The following ACSM2B variants were observed in gnomAD, a reference collection of about 807,000 sequenced individuals.
ACSM2B encodes acyl-CoA synthetase medium chain family member 2B.
Under a neutral mutation model 78.6 loss-of-function variants are expected in ACSM2B, and 58 were observed. The ratio of observed to expected loss-of-function variants is 0.74; its 90% CI spans 0.60 to 0.92. The LOEUF (loss-of-function observed/expected upper bound fraction) is 0.92. Ranked by LOEUF, ACSM2B falls within the 40% of genes least tolerant of loss-of-function variation. The pLI is 0.00. For missense variants in ACSM2B, 688 were observed against 711.2 expected (o/e 0.97, Z 0.37); for synonymous variants, 257 against 256.8 (o/e 1.00, Z -0.01).
At chr16:20,572,055 AG>A (rs1167880014) in intron 1 of ACSM2B, among the ~76,000 whole-genome samples, 2 of 149,898 alleles carry the variant, frequency 1.3e-5, no homozygotes, top group Non-Finnish European at 3.0e-5. Context: ...TGGAGTACTT[AG>A]GCCATTTACA....
rs1164455962 is a variant in ACSM2B at position 20,546,249 on chromosome 16, C to T, written c.1179+145G>A. On this transcript the variant is annotated intron_variant, in intron 9 of 13. Transcript: ENST00000329697. ...TCCTTCCCTCACTCTCTCCTTCCCC[C>T]TAACCTCCCTCCGTCCCTTTTTTCT... The T allele has an allele frequency of 4.3e-6, 6 of 1,409,058 alleles. No individual in the cohort carries two copies. In the African/African-American group the frequency reaches 7.2e-5, roughly 17 times the overall value. 87.3% of individuals were successfully genotyped at this position (1,409,058 alleles called of 1,614,324 possible).
At chr16:20,557,070 C>T (rs899208967) in intron 3 of ACSM2B, among the ~76,000 whole-genome samples, 3 of 151,938 alleles carry the variant, frequency 2.0e-5, no homozygotes, top group African/African-American at 2.4e-5. Context: ...GAGGTGGAAA[C>T]GGCAGTTTGT....
At position 20,536,457 on chromosome 16, in the gene ACSM2B, T is replaced by C. The variant is rs1274728443; in HGVS notation, c.*801A>G. The C allele has an allele frequency of 6.6e-6, 1 of 152,102 alleles. No individual in the cohort carries two copies. Among genetic ancestry groups the C allele is most frequent in the African/African-American group, 2.4e-5 (1 of 41,420 alleles). The allele number at this position is 152,102 out of a possible 1,614,324, so 9.4% of individuals were successfully genotyped here. ...GGGTCAGTGCCTGGCACATGGCAAA[T>C]GCTTAATAAATGGTGGTTCCCCTCT... On this transcript the variant is annotated 3_prime_UTR_variant, in exon 14 of 14. Coordinates refer to ENST00000329697, the MANE Select transcript of ACSM2B (RefSeq NM_001105069.2).
chr16:20,545,253 T>A lies in ACSM2B; in HGVS notation c.1185A>T (p.Ile395=). The change falls in exon 10 of 14, where the codon ATA becomes ATT. Residue 395 remains isoleucine, a synonymous_variant. Transcript: ENST00000329697. ...GGGGCAGGACGTTGCCCTTATCATC[T>A]ATAACCTGGAGAAAGAAGCATATTG... ...TAASCYDVQV[I]DDKGNVLPPG... The A allele has an allele frequency of 1.9e-6, 3 of 1,613,146 alleles. No individual in the cohort carries two copies. The highest frequency in any genetic ancestry group is 2.5e-6 in the Non-Finnish European group (3 of 1,179,362).
intron 2 of ACSM2B, among the ~76,000 whole-genome samples, chr16:20,560,684 C>T (rs1012838241): frequency 6.6e-6 from 1 of 151,788 alleles, no homozygotes; most frequent in African/African-American, 2.4e-5. Flanking sequence ...TATAAAGATA[C>T]CTGAAAATGT....
rs1479866409 is a variant in ACSM2B at position 20,559,236 on chromosome 16, C to T, written c.388+1G>A. The stretch of plus-strand genomic sequence containing the variant: ...CTCTGTCCAGGTAGTCAGTTACCAA[C>T]CTGCTCGAATGCAGCCCAGGATCAC... On this transcript the variant is annotated splice_donor_variant, in intron 3 of 13. Transcript: ENST00000329697. LOFTEE classifies it high-confidence loss of function. 1.2e-6 allele frequency: 2 copies of T among 1,606,708 alleles called. No homozygotes were observed. The highest frequency in any genetic ancestry group is 1.7e-5 in the Admixed American group (1 of 59,542).
At chr16:20,547,167 TTGA>T in intron 8 of ACSM2B, 1 of 1,012,154 alleles carries the variant, frequency 9.9e-7, no homozygotes, top group Non-Finnish European at 1.2e-6. Context: ...GGCAAGTTGA[TTGA>T]CCCACCTCAG....
intron 1 of ACSM2B, among the ~76,000 whole-genome samples, chr16:20,565,811 C>G (rs1240671344): frequency 1.3e-5 from 2 of 152,002 alleles, no homozygotes; most frequent in Admixed American, 1.3e-4. Context: ...TTATTCCTCA[C>G]CTCCTTCCCG....
intron 9 of ACSM2B, among the ~76,000 whole-genome samples, chr16:20,545,942 T>A (rs1330885612): frequency 2.6e-5 from 4 of 152,202 alleles, no homozygotes; most frequent in African/African-American, 9.7e-5. Flanking sequence ...AACTGGGACA[T>A]CATCCCTTGG....
chr16:20,558,968 C>A (rs1238079093), intron 3 of ACSM2B, among the ~76,000 whole-genome samples: 1 of 152,162 alleles, frequency 6.6e-6, no homozygotes, highest in East Asian at 1.9e-4. Flanking sequence ...TAAATACTTA[C>A]ATGTGCAATT....
chr16:20,549,379 G>A (rs2015236178), intron 6 of ACSM2B, among the ~76,000 whole-genome samples: 1 of 152,024 alleles, frequency 6.6e-6, no homozygotes, highest in African/African-American at 2.4e-5. Flanking sequence ...TGCTGATGGG[G>A]ACTCTGCAGA....
intron 2 of ACSM2B, among the ~76,000 whole-genome samples, chr16:20,560,490 A>C (rs1210265919): frequency 6.6e-6 from 1 of 151,956 alleles, no homozygotes; most frequent in Non-Finnish European, 1.5e-5. Context: ...TCATCTTCCA[A>C]CATTATTGTA....
chr16:20,566,842 A>ATATAG (rs2015909100), intron 1 of ACSM2B, among the ~76,000 whole-genome samples: 1 of 119,902 alleles, frequency 8.3e-6, no homozygotes, highest in South Asian at 2.3e-4. Flanking sequence ...TATATATACT[A>ATATAG]TATATAGACA....
intron 2 of ACSM2B, among the ~76,000 whole-genome samples, chr16:20,562,349 A>G (rs186426285): frequency 5.3e-5 from 8 of 152,258 alleles, no homozygotes; most frequent in African/African-American, 1.7e-4. Flanking sequence ...TTTGAGAGTA[A>G]TGATGCAAAA....
rs9938995 is a variant in ACSM2B, at chr16:20,539,025, C to T, written c.1629+1629G>A. On this transcript the variant is annotated intron_variant, in intron 13 of 13. Transcript: ENST00000329697. The stretch of plus-strand genomic sequence containing the variant: ...CTTCCCAGGGCAGCCTACATCCATA[C>T]CTGATCCACCTGTGACCGTAAAGAC... 8.2e-3 allele frequency among the ~76,000 whole-genome samples: 1,249 copies of T among 152,218 alleles called. 21 individuals are homozygous for T. Among genetic ancestry groups the T allele is most frequent in the African/African-American group, 0.029 (1,218 of 41,544 alleles).
chr16:20,565,875 A>G (rs1287488750), intron 1 of ACSM2B, among the ~76,000 whole-genome samples: 2 of 151,838 alleles, frequency 1.3e-5, no homozygotes, highest in African/African-American at 2.4e-5. Context: ...ACTTTGCAAC[A>G]ATGTATAACT....
chr16:20,557,968 C>A (rs755636580), intron 3 of ACSM2B, among the ~76,000 whole-genome samples: 1 of 151,886 alleles, frequency 6.6e-6, no homozygotes, highest in Non-Finnish European at 1.5e-5. Context: ...AACTTTAAAA[C>A]AAAAATGATA....
chr16:20,555,221 T>C, intron 4 of ACSM2B, 48 bp downstream of exon 4: 1 of 1,612,556 alleles, frequency 6.2e-7, no homozygotes, highest in Non-Finnish European at 8.5e-7. Context: ...TGCTTGGCTC[T>C]GTTTCCAGTT....
intron 2 of ACSM2B, among the ~76,000 whole-genome samples, chr16:20,564,281 G>A (rs1347200472): frequency 6.6e-6 from 1 of 151,360 alleles, no homozygotes; most frequent in Non-Finnish European, 1.5e-5. Context: ...AACATTTTTG[G>A]TAGAGACAGA....
Sources: gnomAD v4.1 joint callset for allele counts (sites outside exome capture counted in the v4.1 genomes callset) on GRCh38, gnomAD v4.1.1 for gene constraint, MANE v1.5 for transcripts, NCBI Gene and HGNC (gene_info 2026-07-23, HGNC 2026-07-21) for gene names.